The following PLCB1 variants were observed in gnomAD, a reference collection of about 807,000 sequenced individuals.
PLCB1 encodes phospholipase C beta 1.
A neutral mutation model predicts 161.8 loss-of-function variants in PLCB1; 46 were observed. That is an observed-to-expected ratio of 0.28 (90% confidence interval 0.22 to 0.36). The LOEUF is 0.36. PLCB1 is among the 10% of genes least tolerant of loss of function. PLCB1 has a pLI of 1.00. For missense variants in PLCB1, 1,016 were observed against 1,472.5 expected (o/e 0.69, Z 5.07); for synonymous variants, 517 against 503.7 (o/e 1.03, Z -0.35).
At chr20:8,775,910 G>A (rs976218221) in intron 27 of PLCB1, among the ~76,000 whole-genome samples, 1 of 152,122 alleles carries the variant, frequency 6.6e-6, no homozygotes, top group Non-Finnish European at 1.5e-5. Context: ...GATTTCGAGG[G>A]GTTGCCTCAT....
intron 9 of PLCB1, among the ~76,000 whole-genome samples, chr20:8,681,980 T>C (rs1359838230): frequency 6.6e-6 from 1 of 152,176 alleles, no homozygotes; most frequent in Non-Finnish European, 1.5e-5. Flanking sequence ...CACATTCAGC[T>C]TTTAAAGGTG....
intron 3 of PLCB1, among the ~76,000 whole-genome samples, chr20:8,561,583 A>G (rs1986142203): frequency 6.6e-6 from 1 of 152,032 alleles, no homozygotes. Flanking sequence ...GTTTAATTCT[A>G]TCAGTGAAAA....
chr20:8,518,409 G>A (rs1024760032), intron 3 of PLCB1, among the ~76,000 whole-genome samples: 1 of 152,090 alleles, frequency 6.6e-6, no homozygotes, highest in Non-Finnish European at 1.5e-5. Flanking sequence ...GGGGTGGGAT[G>A]TAGGATAGGA....
At chr20:8,338,528 G>A (rs1052579110) in intron 2 of PLCB1, among the ~76,000 whole-genome samples, 1 of 152,138 alleles carries the variant, frequency 6.6e-6, no homozygotes, top group Non-Finnish European at 1.5e-5. Context: ...AAGGAGCAGA[G>A]CTAGAACAAA....
chr20:8,753,691 T>C (rs1981596550), intron 23 of PLCB1, among the ~76,000 whole-genome samples: 1 of 152,208 alleles, frequency 6.6e-6, no homozygotes, highest in Non-Finnish European at 1.5e-5. Context: ...TGGCAACTTC[T>C]GGGCCAAATG....
intron 4 of PLCB1, 22 bp downstream of exon 4, chr20:8,628,453 A>G (rs1195685145): frequency 1.9e-6 from 3 of 1,613,250 alleles, no homozygotes; most frequent in Non-Finnish European, 2.5e-6. Context: ...GGAAATTGCT[A>G]AAGCTTATCA....
chr20:8,746,016 C>T (rs1368942402), intron 23 of PLCB1, among the ~76,000 whole-genome samples: 2 of 152,292 alleles, frequency 1.3e-5, no homozygotes, highest in Non-Finnish European at 1.5e-5. Context: ...ACTGCAGCCT[C>T]GGCCTCCCGG....
chr20:8,175,811 A>G lies in PLCB1; in HGVS notation c.177+25440A>G, dbSNP rs1306019574. ...TAAAGGACCTTCAAATTCACAGGAA[A>G]AAAAACAAAAAACAAAAAACCTAAA... On this transcript the variant is annotated intron_variant, in intron 2 of 31. Coordinates refer to ENST00000338037, the MANE Select transcript of PLCB1 (RefSeq NM_015192.4). Among the ~76,000 whole-genome samples, 2 of 152,200 alleles carry G rather than the reference A, an allele frequency of 1.3e-5. 1 individual carries two copies. The highest frequency in any genetic ancestry group is 6.3e-3 in the Middle Eastern group (2 of 316).
chr20:8,391,824 T>TACAC (rs1555803235), intron 3 of PLCB1, among the ~76,000 whole-genome samples: 34 of 115,396 alleles, frequency 2.9e-4, no homozygotes, highest in African/African-American at 9.0e-4. Context: ...TATATATATA[T>TACAC]ACACACACAT....
intron 10 of PLCB1, among the ~76,000 whole-genome samples, chr20:8,691,038 TA>T (rs1391225826): frequency 1.3e-5 from 2 of 152,190 alleles, no homozygotes; most frequent in Non-Finnish European, 2.9e-5. Flanking sequence ...CAAAACTATA[TA>T]AAAATATAAA....
At chr20:8,784,756 T>G (rs1054892565) in intron 27 of PLCB1, among the ~76,000 whole-genome samples, 2 of 152,192 alleles carry the variant, frequency 1.3e-5, no homozygotes, top group African/African-American at 2.4e-5. Context: ...AAGCCTCAGT[T>G]TAAAAAATAC....
chr20:8,251,021 A>G (rs1981113103), intron 2 of PLCB1, among the ~76,000 whole-genome samples: 1 of 151,976 alleles, frequency 6.6e-6, no homozygotes, highest in African/African-American at 2.4e-5. Context: ...TTTATTGCTT[A>G]CAGTTCTAGA....
At chr20:8,438,455 A>T (rs1022669693) in intron 3 of PLCB1, among the ~76,000 whole-genome samples, 4 of 152,234 alleles carry the variant, frequency 2.6e-5, no homozygotes, top group African/African-American at 9.6e-5. Context: ...TGGGCAAAAG[A>T]CAAAGCAGAC....
intron 25 of PLCB1, 101 bp from the exon 26 acceptor site, chr20:8,765,038 G>T: frequency 1.1e-6 from 1 of 880,208 alleles, no homozygotes. Flanking sequence ...AACTCTAGCT[G>T]GGCAAGATCA....
At chr20:8,840,788 C>G (rs1461820120) in intron 31 of PLCB1, among the ~76,000 whole-genome samples, 5 of 152,034 alleles carry the variant, frequency 3.3e-5, no homozygotes, top group Non-Finnish European at 5.9e-5. Context: ...ATCACTTCCC[C>G]CCTTTTTAAA....
intron 10 of PLCB1, among the ~76,000 whole-genome samples, chr20:8,687,110 C>G (rs8114417): frequency 6.6e-6 from 1 of 151,614 alleles, no homozygotes; most frequent in African/African-American, 2.4e-5. Flanking sequence ...ACTGTAGTCC[C>G]GATCTCCTGG....
At chr20:8,840,258 C>T (rs1218768181) in intron 31 of PLCB1, among the ~76,000 whole-genome samples, 11 of 152,194 alleles carry the variant, frequency 7.2e-5, no homozygotes, top group South Asian at 6.2e-4. Context: ...CATAGCCCTG[C>T]GCCTCAGTCA....
At chr20:8,319,804 A>G (rs1038987817) in intron 2 of PLCB1, among the ~76,000 whole-genome samples, 1 of 149,226 alleles carries the variant, frequency 6.7e-6, no homozygotes, top group Non-Finnish European at 1.5e-5. Context: ...ACCAGCATAC[A>G]TAATGTCACT....
At chr20:8,688,807 AGTCT>A (rs1990412010) in intron 10 of PLCB1, among the ~76,000 whole-genome samples, 1 of 152,158 alleles carries the variant, frequency 6.6e-6, no homozygotes, top group Non-Finnish European at 1.5e-5. Context: ...CTTTTTGCTT[AGTCT>A]TGCTTTGGCT....
Sources: allele counts gnomAD v4.1 joint callset (sites outside exome capture counted in the v4.1 genomes callset), GRCh38; gene constraint gnomAD v4.1.1; transcripts MANE v1.5; gene names NCBI Gene and HGNC (gene_info 2026-07-23, HGNC 2026-07-21).